NHSL2: variants seen among roughly 807,000 people sequenced by gnomAD.
NHSL2 encodes the protein NHS like 2.
Under a neutral mutation model 53.4 loss-of-function variants are expected in NHSL2, and 27 were observed. The ratio of observed to expected loss-of-function variants is 0.51; its 90% CI spans 0.37 to 0.70. The LOEUF is 0.70. NHSL2 is among the 30% of genes least tolerant of loss of function. The pLI is 0.00. For synonymous variants in NHSL2, 408 were observed against 404.1 expected, an observed-to-expected ratio of 1.01 and a Z score of -0.12; for missense variants, 892 against 980.1, an observed-to-expected ratio of 0.91 and a Z score of 1.20.
chrX:72,031,788 A>G (rs1188602470), intron 1 of NHSL2, among the ~76,000 whole-genome samples: 1 of 111,237 alleles, frequency 9.0e-6, no homozygotes, highest in Non-Finnish European at 1.9e-5. Context: ...AAATATATCA[A>G]GTGAACACAT....
chrX:72,020,532 G>A (rs1016820587), intron 1 of NHSL2, among the ~76,000 whole-genome samples: 2 of 112,550 alleles, frequency 1.8e-5, no homozygotes, highest in Admixed American at 1.9e-4. Context: ...TTGGGCTAGG[G>A]TTAAGCTAGA....
At chrX:72,049,568 G>C in intron 1 of NHSL2, among the ~76,000 whole-genome samples, 1 of 108,618 alleles carries the variant, frequency 9.2e-6, no homozygotes, top group African/African-American at 3.4e-5. Context: ...CCTCATACCT[G>C]TTCCTACTCA....
At chrX:72,080,575 TG>T (rs2041782935) in intron 1 of NHSL2, among the ~76,000 whole-genome samples, 1 of 95,406 alleles carries the variant, frequency 1.0e-5, no homozygotes. Flanking sequence ...TCTGCACGTG[TG>T]TGTGTGTGTG....
chrX:72,011,706 C>T (rs1222280271), intron 1 of NHSL2, among the ~76,000 whole-genome samples: 4 of 111,473 alleles, frequency 3.6e-5, no homozygotes, highest in African/African-American at 6.5e-5. Flanking sequence ...TTTTCCAGAG[C>T]GGCTGTACCA....
chrX:72,131,962 G>C (rs2042307803), intron 1 of NHSL2, 117 bp from the exon 2 acceptor site: 1 of 689,029 alleles, frequency 1.5e-6, no homozygotes, highest in African/African-American at 2.2e-5. Flanking sequence ...GCGCAGCCTC[G>C]CACTCCCCCC....
At chrX:71,934,596 G>T (rs2041729024) in intron 1 of NHSL2, among the ~76,000 whole-genome samples, 1 of 111,826 alleles carries the variant, frequency 8.9e-6, no homozygotes, top group South Asian at 3.8e-4. Flanking sequence ...GTTTTTAAAA[G>T]ATCCCCCTGA....
At chrX:71,964,027 G>GCA (rs2041886901) in intron 1 of NHSL2, among the ~76,000 whole-genome samples, 1 of 14,191 alleles carries the variant, frequency 7.0e-5, no homozygotes, top group East Asian at 1.4e-3. Flanking sequence ...ATATATATGT[G>GCA]TATATATATA....
Position 72,148,009 on chromosome X carries a change from C to T in NHSL2, c.*4435C>T, listed in dbSNP as rs1049752176. On this transcript the variant is annotated 3_prime_UTR_variant, in exon 8 of 8. Transcript: ENST00000633930. Reference sequence around the variant, plus strand: ...CAGAATATAGAAAATATCTTAATCGCCTGGAATCATTTGAGTTACTAGCTG... The same window carrying T: ...CAGAATATAGAAAATATCTTAATCGTCTGGAATCATTTGAGTTACTAGCTG... 1 of 111,500 alleles carries T rather than the reference C, an allele frequency of 9.0e-6. No individual in the cohort carries two copies. The highest frequency in any genetic ancestry group is 3.3e-5 in the African/African-American group (1 of 30,631). The allele number at this position is 111,500 out of a possible 1,213,427, so 9.2% of individuals were successfully genotyped here. A position where few individuals can be genotyped will look rare whatever the true frequency, so the allele number is the denominator to read the frequency against.
chrX:71,980,538 C>T (rs1359388530), intron 1 of NHSL2, among the ~76,000 whole-genome samples: 1 of 86,595 alleles, frequency 1.2e-5, no homozygotes, highest in East Asian at 3.3e-4. Flanking sequence ...ACATGCCAAA[C>T]AGTGTGTGTG....
rs753317449 is a variant in NHSL2, at chrX:72,139,153, C to T, written c.1605C>T (p.Asn535=). The T allele has an allele frequency of 1.8e-5, 21 of 1,173,646 alleles. No homozygotes were observed. Among genetic ancestry groups the T allele is most frequent in the Non-Finnish European group, 2.4e-5 (21 of 875,791 alleles). The stretch of plus-strand genomic sequence containing the variant: ...CCAGTACGAGCTCTGAGGGCAGTAA[C>T]AGTGCTGACAACATTGCCTCCCTTA... ...PFASTSSEGS[N]SADNIASLSA... Residue 535 remains asparagine (N), a synonymous_variant, in exon 6 of 8, where the codon AAC becomes AAT. Transcript: ENST00000633930.
intron 1 of NHSL2, among the ~76,000 whole-genome samples, chrX:71,996,110 C>G (rs764058781): frequency 3.2e-4 from 36 of 112,563 alleles, no homozygotes; most frequent in African/African-American, 1.1e-3. Context: ...ATTTATAAAG[C>G]AATTTATAAT....
At chrX:71,942,972 CTG>C (rs58935869) in intron 1 of NHSL2, among the ~76,000 whole-genome samples, 6,817 of 73,746 alleles carry the variant, frequency 0.092, 300 homozygotes, top group East Asian at 0.29. Context: ...CTCTCTCTCT[CTG>C]TGTGTGTGTG....
intron 1 of NHSL2, among the ~76,000 whole-genome samples, chrX:72,017,080 T>C (rs1406863640): frequency 9.0e-6 from 1 of 111,596 alleles, no homozygotes; most frequent in Non-Finnish European, 1.9e-5. Context: ...GTTGGGGTCC[T>C]GTGGAACTAG....
intron 1 of NHSL2, among the ~76,000 whole-genome samples, chrX:72,005,306 T>C (rs973579775): frequency 8.9e-6 from 1 of 112,084 alleles, no homozygotes; most frequent in Non-Finnish European, 1.9e-5. Flanking sequence ...CACATCCTCA[T>C]GTGCAGTGCA....
chrX:72,123,458 A>G (rs1171694765), intron 1 of NHSL2, among the ~76,000 whole-genome samples: 1 of 111,238 alleles, frequency 9.0e-6, no homozygotes, highest in Non-Finnish European at 1.9e-5. Flanking sequence ...GGCATGTTGA[A>G]GGTGGACCTA....
intron 1 of NHSL2, among the ~76,000 whole-genome samples, chrX:72,107,189 C>T (rs1436578864): frequency 2.7e-5 from 3 of 110,009 alleles, no homozygotes; most frequent in Admixed American, 9.6e-5. Context: ...TTTGGGAGGC[C>T]GAGGTGGGTG....
In NHSL2 at chrX:72,140,292, C is replaced by T. The variant is rs370457403; in HGVS notation, c.2744C>T (p.Pro915Leu). 1 of 1,210,749 alleles carries T rather than the reference C, an allele frequency of 8.3e-7. No homozygotes were observed. ...PPRSSIQHAR[P>L]LPQDSYTVVR... The stretch of plus-strand genomic sequence containing the variant: ...AGGAGCTCAATTCAACATGCGAGAC[C>T]ACTCCCTCAAGACAGCTACACGGTA... The change falls in exon 6 of 8, where the codon CCA becomes CTA. Residue 915 changes from proline (P) to leucine (L), a missense_variant. Transcript: ENST00000633930.
intron 1 of NHSL2, among the ~76,000 whole-genome samples, chrX:72,042,196 C>T (rs909836614): frequency 5.3e-5 from 6 of 112,827 alleles, no homozygotes; most frequent in South Asian, 3.6e-4. Context: ...TTTTCTATCC[C>T]GATCTCTCTC....
chrX:71,931,253 T>C (rs1248382061), intron 1 of NHSL2, among the ~76,000 whole-genome samples: 1 of 112,418 alleles, frequency 8.9e-6, no homozygotes, highest in Non-Finnish European at 1.9e-5. Flanking sequence ...CTTTATGTAT[T>C]CCGTATATTA....
Sources: gnomAD v4.1 joint callset for allele counts (sites outside exome capture counted in the v4.1 genomes callset) on GRCh38, gnomAD v4.1.1 for gene constraint, MANE v1.5 for transcripts, NCBI Gene and HGNC (gene_info 2026-07-23, HGNC 2026-07-21) for gene names.